Variants in CACHD1 observed in about 807,000 individuals in gnomAD.
CACHD1 encodes cache domain containing 1, also known as VWFA and cache domain-containing protein 1.
Under a neutral mutation model 138.7 loss-of-function variants are expected in CACHD1, and 71 were observed. The observed-to-expected ratio is 0.51, with a 90% confidence interval of 0.42 to 0.62. CACHD1 has a LOEUF of 0.62. Ranked by LOEUF, CACHD1 falls within the 20% of genes least tolerant of loss-of-function variation. The pLI, the probability that CACHD1 is intolerant of heterozygous loss-of-function variation, is 0.00. For missense variants in CACHD1, 1,389 were observed against 1,625.3 expected (o/e 0.85, Z 2.50); for synonymous variants, 578 against 591.5 (o/e 0.98, Z 0.33).
At chr1:64,619,807 G>A (rs1317734095) in intron 4 of CACHD1, among the ~76,000 whole-genome samples, 1 of 152,148 alleles carries the variant, frequency 6.6e-6, no homozygotes. Flanking sequence ...GGGGGAAAAA[G>A]CAAGATGACT....
intron 1 of CACHD1, among the ~76,000 whole-genome samples, chr1:64,518,385 A>G (rs760349741): frequency 1.6e-4 from 24 of 152,196 alleles, no homozygotes; most frequent in Admixed American, 4.6e-4. Context: ...TGCTGCACCT[A>G]TCAACCCATC....
intron 2 of CACHD1, among the ~76,000 whole-genome samples, chr1:64,562,747 T>G (rs900572200): frequency 1.3e-5 from 2 of 152,112 alleles, no homozygotes; most frequent in African/African-American, 2.4e-5. Flanking sequence ...AATAATTCTG[T>G]TTCTGTACTG....
At chr1:64,596,370 G>A (rs536798259) in intron 3 of CACHD1, among the ~76,000 whole-genome samples, 301 of 152,270 alleles carry the variant, frequency 2.0e-3, no homozygotes, top group African/African-American at 7.1e-3. Flanking sequence ...AAGAATGAGC[G>A]GGAACCTGGT....
chr1:64,475,020 G>A (rs1454244475), intron 1 of CACHD1, among the ~76,000 whole-genome samples: 1 of 152,204 alleles, frequency 6.6e-6, no homozygotes, highest in African/African-American at 2.4e-5. Context: ...AAAAGCAGCA[G>A]CTAGAACAGA....
Position 64,691,747 on chromosome 1 carries a change from T to C in CACHD1, c.*186T>C, listed in dbSNP as rs1650566415. 5 of 602,648 alleles carry C rather than the reference T, an allele frequency of 8.3e-6. No individual in the cohort carries two copies. The highest frequency in any genetic ancestry group is 2.9e-5 in the Admixed American group (1 of 34,360). 37.3% of individuals were successfully genotyped at this position (602,648 alleles called of 1,614,324 possible). On this transcript the variant is annotated 3_prime_UTR_variant, in exon 27 of 27. Coordinates refer to ENST00000651257, the MANE Select transcript of CACHD1 (RefSeq NM_020925.4). ...GAGAGAAACAACAACACAGTCACAT[T>C]TGTGAAGATGTGAGGCTGGTTCTGA...
intron 5 of CACHD1, among the ~76,000 whole-genome samples, chr1:64,631,545 G>A (rs993291383): frequency 9.9e-5 from 15 of 152,138 alleles, no homozygotes; most frequent in Admixed American, 9.2e-4. Context: ...GATTCAGCTG[G>A]CATCTAACAT....
intron 1 of CACHD1, among the ~76,000 whole-genome samples, chr1:64,521,366 G>T (rs2100375697): frequency 6.6e-6 from 1 of 152,298 alleles, no homozygotes; most frequent in African/African-American, 2.4e-5. Context: ...AGAAAACTCT[G>T]CTTTTAAAAG....
intron 1 of CACHD1, among the ~76,000 whole-genome samples, chr1:64,529,710 C>T: frequency 6.6e-6 from 1 of 152,200 alleles, no homozygotes; most frequent in East Asian, 1.9e-4. Context: ...TTCAGCAGAG[C>T]TGGGATTTGA....
chr1:64,513,460 G>A (rs1557469880), intron 1 of CACHD1, among the ~76,000 whole-genome samples: 2 of 152,148 alleles, frequency 1.3e-5, no homozygotes, highest in Non-Finnish European at 2.9e-5. Context: ...AGCACTGTGC[G>A]AATGCCATGG....
At chr1:64,606,330 G>A (rs1463841305) in intron 4 of CACHD1, among the ~76,000 whole-genome samples, 1 of 152,164 alleles carries the variant, frequency 6.6e-6, no homozygotes, top group Non-Finnish European at 1.5e-5. Flanking sequence ...CTGAGTAAGT[G>A]GGATTGTAGA....
intron 26 of CACHD1, among the ~76,000 whole-genome samples, chr1:64,687,510 A>G (rs574661415): frequency 2.4e-4 from 36 of 152,308 alleles, no homozygotes; most frequent in African/African-American, 7.9e-4. Context: ...CAGTAGCAGA[A>G]GAGATGGGGG....
At chr1:64,551,650 A>G (rs1209353860) in intron 2 of CACHD1, among the ~76,000 whole-genome samples, 1 of 152,220 alleles carries the variant, frequency 6.6e-6, no homozygotes, top group East Asian at 1.9e-4. Flanking sequence ...GACATTTGCA[A>G]GTGTCCTTAT....
chr1:64,644,413 A>G (rs1286754925), intron 8 of CACHD1, among the ~76,000 whole-genome samples: 1 of 152,218 alleles, frequency 6.6e-6, no homozygotes, highest in East Asian at 1.9e-4. Context: ...ATGAAATTCA[A>G]TAGTAGAGGA....
At position 64,478,667 on chromosome 1, in the gene CACHD1, A is replaced by G. The variant is rs559120906; in HGVS notation, c.198+7725A>G. Among the ~76,000 whole-genome samples the G allele has an allele frequency of 2.6e-4, 40 of 152,314 alleles. No individual in the cohort carries two copies. In the East Asian group the frequency reaches 4.2e-3, roughly 16 times the overall value. On this transcript the variant is annotated intron_variant, in intron 1 of 26. Transcript: ENST00000651257. Reference sequence around the variant, plus strand: ...AAACCAACTTGGATGGCTCAAGACAATATAGAAATAAACGCTAAAATATGG... The same window carrying G: ...AAACCAACTTGGATGGCTCAAGACAGTATAGAAATAAACGCTAAAATATGG...
intron 1 of CACHD1, among the ~76,000 whole-genome samples, chr1:64,495,557 G>A (rs1047546653): frequency 1.3e-5 from 2 of 152,182 alleles, no homozygotes; most frequent in Admixed American, 6.5e-5. Flanking sequence ...TACTTGGTCT[G>A]TCTGCCTGGA....
chr1:64,610,640 G>A (rs900868367), intron 4 of CACHD1, among the ~76,000 whole-genome samples: 5 of 152,192 alleles, frequency 3.3e-5, no homozygotes, highest in South Asian at 4.1e-4. Context: ...GGGCAGCTCC[G>A]CCCATGTGGC....
chr1:64,494,186 G>T (rs1411102861), intron 1 of CACHD1, among the ~76,000 whole-genome samples: 2 of 152,242 alleles, frequency 1.3e-5, no homozygotes, highest in Non-Finnish European at 2.9e-5. Flanking sequence ...CCTAGTGAAA[G>T]TGGATCACTT....
At chr1:64,596,582 G>C (rs1401386710) in intron 3 of CACHD1, among the ~76,000 whole-genome samples, 1 of 152,188 alleles carries the variant, frequency 6.6e-6, no homozygotes, top group East Asian at 1.9e-4. Context: ...TAAAAACAAA[G>C]CTTGGTAATT....
Position 64,664,534 on chromosome 1 carries a change from G to A in CACHD1, c.2131G>A (p.Val711Ile), listed in dbSNP as rs144357893. 1.2e-4 allele frequency: 192 copies of A among 1,614,144 alleles called. 1 individual carries two copies. In the African/African-American group the frequency reaches 1.9e-3, roughly 16 times the overall value. Residue 711 changes from valine (V) to isoleucine (I), a missense_variant, in exon 15 of 27, where the codon GTC (valine) becomes ATC (isoleucine). Val to Ile is a conservative substitution (Grantham distance 29, BLOSUM62 3). Coordinates refer to ENST00000651257, the MANE Select transcript of CACHD1 (RefSeq NM_020925.4). The part of the protein sequence containing the change: ...VRNEVMATSH[V>I]TDEWMTQMEM... ...AAATGAAGTAATGGCTACCAGCCACGTCACAGATGAATGGATGACACAAAT... is the reference window on the plus strand; with the variant it reads ...AAATGAAGTAATGGCTACCAGCCACATCACAGATGAATGGATGACACAAAT...
Sources: allele counts gnomAD v4.1 joint callset (sites outside exome capture counted in the v4.1 genomes callset), GRCh38; gene constraint gnomAD v4.1.1; transcripts MANE v1.5; gene names NCBI Gene and HGNC (gene_info 2026-07-23, HGNC 2026-07-21).